The following YWHAQ variants were observed in gnomAD, a reference collection of about 807,000 sequenced individuals.
YWHAQ encodes 14-3-3 protein theta.
Under a neutral mutation model 28.3 loss-of-function variants are expected in YWHAQ, and 6 were observed. That is an observed-to-expected ratio of 0.21 (90% CI 0.12 to 0.42). YWHAQ has a LOEUF of 0.42. Among genes scored for constraint, YWHAQ ranks in the 10% least tolerant of loss-of-function variants. The probability of loss-of-function intolerance (pLI) is 1.00; values close to 1 mark genes in which losing one functional copy is unlikely to be tolerated. For synonymous variants in YWHAQ, 143 were observed against 119.1 expected (o/e 1.20, Z -1.31); for missense variants, 201 against 305.6 (o/e 0.66, Z 2.55).
intron 2 of YWHAQ, among the ~76,000 whole-genome samples, chr2:9,610,848 T>C (rs1238765708): frequency 6.6e-6 from 1 of 152,008 alleles, no homozygotes; most frequent in Non-Finnish European, 1.5e-5. Context: ...CCTGACACGA[T>C]CTACTATTGA....
At position 9,588,177 on chromosome 2, in the gene YWHAQ, C is replaced by T. The variant is rs762976369; in HGVS notation, c.570G>A (p.Thr190=). 6 of 1,558,544 alleles carry T rather than the reference C, an allele frequency of 3.8e-6. No individual in the cohort carries two copies. Among genetic ancestry groups the T allele is most frequent in the Admixed American group, 2.2e-5 (1 of 45,728 alleles). The change falls in exon 4 of 6, where the codon ACG becomes ACA. Residue 190 remains threonine, a synonymous_variant. Coordinates refer to ENST00000238081, the MANE Select transcript of YWHAQ (RefSeq NM_006826.4). The part of the protein sequence containing the change: ...EILNNPELAC[T]LAKTAFDEAI... ...ACACACATCTTACCGTTTTAGCCAGCGTGCAGGCAAGCTCTGGGTTATTAA... is the reference window on the plus strand; with the variant it reads ...ACACACATCTTACCGTTTTAGCCAGTGTGCAGGCAAGCTCTGGGTTATTAA...
At chr2:9,611,107 A>G (rs773296597) in intron 2 of YWHAQ, among the ~76,000 whole-genome samples, 2 of 152,134 alleles carry the variant, frequency 1.3e-5, no homozygotes, top group African/African-American at 2.4e-5. Context: ...AAGAAAAGAT[A>G]TTTTCTTGTC....
In YWHAQ at chr2:9,584,318, A is replaced by G. The variant is rs1666303632; in HGVS notation, c.*968T>C. On this transcript the variant is annotated 3_prime_UTR_variant, in exon 6 of 6. Coordinates refer to ENST00000238081, the MANE Select transcript of YWHAQ (RefSeq NM_006826.4). ...ATGTTACTCTGCTGTTACATAGGGCATAACATTTTCACAAGGCTTTTTTGG... is the reference window on the plus strand; with the variant it reads ...ATGTTACTCTGCTGTTACATAGGGCGTAACATTTTCACAAGGCTTTTTTGG... The G allele has an allele frequency of 6.6e-6, 1 of 152,670 alleles. No homozygotes were observed. The highest frequency in any genetic ancestry group is 1.5e-5 in the Non-Finnish European group (1 of 68,046). 9.5% of individuals were successfully genotyped at this position (152,670 alleles called of 1,614,324 possible).
chr2:9,630,328 T>C lies in YWHAQ; in HGVS notation c.125A>G (p.Asn42Ser), dbSNP rs760149820. 5 of 1,613,990 alleles carry C rather than the reference T, an allele frequency of 3.1e-6. No homozygotes were observed. Among genetic ancestry groups the C allele is most frequent in the Middle Eastern group, 1.6e-4 (1 of 6,084 alleles). ...QGAELSNEER[N>S]LLSVAYKNVV... ...GTTCTTGTAGGCCACGGAGAGCAGG[T>C]TGCGCTCCTCGTTGGACAGCTCGGC... is the stretch of plus-strand genomic sequence containing the variant. Residue 42 changes from asparagine to serine, a missense_variant, in exon 2 of 6, where the codon AAC (asparagine) becomes AGC (serine). By Grantham distance (46) the Asn-to-Ser change is conservative. This residue lies in a region of YWHAQ where 162 missense variants were observed against 213.9 expected (regional missense o/e 0.76). Coordinates refer to ENST00000238081, the MANE Select transcript of YWHAQ (RefSeq NM_006826.4). The surrounding 1 kb of genome is among the most constrained non-coding windows in gnomAD (Gnocchi z 5.6).
In YWHAQ at chr2:9,588,254, G is replaced by C. The variant is rs1666386556; in HGVS notation, c.493C>G (p.Pro165Ala). ...TTAAGAGCAAGCCCCAGGCGGATTG[G>C]GTGTGTGGGTTGCATCTCTTTCTTG... ...ISKKEMQPTH[P>A]IRLGLALNFS... The change falls in exon 4 of 6, where the codon CCA (proline) becomes GCA (alanine). Residue 165 changes from proline to alanine, a missense_variant. By Grantham distance (27) the Pro-to-Ala change is conservative. Coordinates refer to ENST00000238081, the MANE Select transcript of YWHAQ (RefSeq NM_006826.4). 2 of 1,608,838 alleles carry C rather than the reference G, an allele frequency of 1.2e-6. No individual in the cohort carries two copies. Among genetic ancestry groups the C allele is most frequent in the Non-Finnish European group, 8.5e-7 (1 of 1,178,724 alleles).
At chr2:9,591,288 A>T in intron 3 of YWHAQ, 104 bp downstream of exon 3, 1 of 1,329,692 alleles carries the variant, frequency 7.5e-7, no homozygotes, top group Non-Finnish European at 1.0e-6. Flanking sequence ...TTCAATTATT[A>T]AGTCACAAAG....
chr2:9,618,570 G>C (rs1667081103), intron 2 of YWHAQ, among the ~76,000 whole-genome samples: 1 of 152,084 alleles, frequency 6.6e-6, no homozygotes, highest in African/African-American at 2.4e-5. Context: ...GAAGTGGCAG[G>C]AAGACGGATC....
At chr2:9,597,410 G>C (rs1426472601) in intron 2 of YWHAQ, among the ~76,000 whole-genome samples, 1 of 152,168 alleles carries the variant, frequency 6.6e-6, no homozygotes, top group Non-Finnish European at 1.5e-5. Context: ...CACTTTGGGA[G>C]GCCGGGGTGG....
intron 3 of YWHAQ, among the ~76,000 whole-genome samples, chr2:9,589,449 T>C (rs898242278): frequency 2.0e-5 from 3 of 152,060 alleles, no homozygotes; most frequent in African/African-American, 7.2e-5. Context: ...ATGGGAGTGG[T>C]GATGCATGCC....
chr2:9,588,790 C>CTGGGTATTT (rs1186350698), intron 3 of YWHAQ, among the ~76,000 whole-genome samples: 1 of 151,760 alleles, frequency 6.6e-6, no homozygotes, highest in Non-Finnish European at 1.5e-5. Flanking sequence ...CAAACAAAAA[C>CTGGGTATTT]AATATTGTGT....
In YWHAQ at chr2:9,584,015, A is replaced by G. The variant is rs940622385; in HGVS notation, c.*1271T>C. On this transcript the variant is annotated 3_prime_UTR_variant, in exon 6 of 6. Transcript: ENST00000238081. ...TCCACTTTATTCCATATAACACTTA[A>G]CCAGATATCATTTACATCTGAGGAA... 9 of 152,230 alleles carry G rather than the reference A, an allele frequency of 5.9e-5. No individual in the cohort carries two copies. Among genetic ancestry groups the G allele is most frequent in the African/African-American group, 2.2e-4 (9 of 41,450 alleles). 9.4% of individuals were successfully genotyped at this position (152,230 alleles called of 1,614,324 possible). A position where few individuals can be genotyped will look rare whatever the true frequency, so the allele number is the denominator to read the frequency against.
intron 5 of YWHAQ, 52 bp downstream of exon 5, chr2:9,587,361 TA>T (rs1666365527): frequency 2.0e-6 from 3 of 1,507,718 alleles, no homozygotes; most frequent in Admixed American, 2.0e-5. Context: ...AAATAAAATA[TA>T]AATACTTTTG....
Position 9,587,397 on chromosome 2 carries a change from A to G in YWHAQ, c.678+17T>C. The G allele has an allele frequency of 6.3e-7, 1 of 1,579,888 alleles. No individual in the cohort carries two copies. Among genetic ancestry groups the G allele is most frequent in the South Asian group, 1.2e-5 (1 of 84,064 alleles). ...GTTTCTGAAAAGAAAATAAAATTAA[A>G]AGAGTAAACAACTCACTGTTAGGTT... On this transcript the variant is annotated intron_variant, in intron 5 of 5. Coordinates refer to ENST00000238081, the MANE Select transcript of YWHAQ (RefSeq NM_006826.4).
At chr2:9,611,843 G>A (rs921847646) in intron 2 of YWHAQ, among the ~76,000 whole-genome samples, 1 of 152,078 alleles carries the variant, frequency 6.6e-6, no homozygotes, top group African/African-American at 2.4e-5. Flanking sequence ...GCTAATTTTC[G>A]TATTTTTAGC....
intron 2 of YWHAQ, among the ~76,000 whole-genome samples, chr2:9,628,285 TAA>T (rs1667287643): frequency 1.3e-5 from 2 of 152,366 alleles, no homozygotes; most frequent in East Asian, 1.9e-4. Flanking sequence ...TCTCAGTATA[TAA>T]AAGAGACTGT....
At chr2:9,594,862 C>T (rs1666537943) in intron 2 of YWHAQ, among the ~76,000 whole-genome samples, 1 of 152,206 alleles carries the variant, frequency 6.6e-6, no homozygotes, top group Non-Finnish European at 1.5e-5. Context: ...TCCTGAGTCA[C>T]TCATGCTAGA....
Position 9,630,601 on chromosome 2 carries a change from C to T in YWHAQ, c.-82-67G>A, listed in dbSNP as rs1296850126. 8 of 709,806 alleles carry T rather than the reference C, an allele frequency of 1.1e-5. No homozygotes were observed. Among genetic ancestry groups the T allele is most frequent in the Non-Finnish European group, 1.7e-5 (8 of 458,998 alleles). The allele number at this position is 709,806 out of a possible 1,614,324, so 44.0% of individuals were successfully genotyped here. On this transcript the variant is annotated intron_variant, in intron 1 of 5. Coordinates refer to ENST00000238081, the MANE Select transcript of YWHAQ (RefSeq NM_006826.4). This position sits in a 1 kb window ranked among gnomAD's most constrained non-coding sequence, Gnocchi z 5.6. ...GAGGGAGCGCCGTCAGACAATGCGG[C>T]CCGCCGCCCGCTTTTGTCTCCCGCA...
At position 9,616,811 on chromosome 2, in the gene YWHAQ, T is replaced by C. The variant is rs548009620; in HGVS notation, c.294+13348A>G. On this transcript the variant is annotated intron_variant, in intron 2 of 5. Coordinates refer to ENST00000238081, the MANE Select transcript of YWHAQ (RefSeq NM_006826.4). ...CTTCGGAAAACAATCTGGCAGTTCC[T>C]AAAACATTAAATGGGTATATACACA... is the stretch of plus-strand genomic sequence containing the variant. 2.0e-5 allele frequency among the ~76,000 whole-genome samples: 3 copies of C among 152,328 alleles called. No individual in the cohort carries two copies. In the South Asian group the frequency reaches 6.2e-4, roughly 32 times the overall value.
chr2:9,624,607 T>C (rs1184708163), intron 2 of YWHAQ, among the ~76,000 whole-genome samples: 1 of 152,128 alleles, frequency 6.6e-6, no homozygotes, highest in Non-Finnish European at 1.5e-5. Flanking sequence ...CCACTAGACG[T>C]GAGCAGCACC....
Sources: gnomAD v4.1 joint callset for allele counts (sites outside exome capture counted in the v4.1 genomes callset) on GRCh38, gnomAD v4.1.1 for gene constraint, gnomAD v4.1.1 regional missense constraint, Gnocchi (gnomAD v3.1) non-coding constraint, MANE v1.5 for transcripts, NCBI Gene and HGNC (gene_info 2026-07-23, HGNC 2026-07-21) for gene names.